MACROD2: variants seen among roughly 807,000 people sequenced by gnomAD.
The protein encoded by MACROD2 is mono-ADP ribosylhydrolase 2.
Under a neutral mutation model 70.4 loss-of-function variants are expected in MACROD2, and 36 were observed. That is an observed-to-expected ratio of 0.51 (90% confidence interval 0.39 to 0.68). The LOEUF (loss-of-function observed/expected upper bound fraction) is 0.68. MACROD2 is among the 30% of genes least tolerant of loss of function. MACROD2 has a pLI of 0.00. For missense variants in MACROD2, 496 were observed against 538.4 expected (o/e 0.92, Z 0.78); for synonymous variants, 172 against 178.8 (o/e 0.96, Z 0.30).
At chr20:15,585,009 A>ACATAATGAT (rs1248601243) in intron 8 of MACROD2, among the ~76,000 whole-genome samples, 6 of 152,118 alleles carry the variant, frequency 3.9e-5, no homozygotes, top group Non-Finnish European at 8.8e-5. Flanking sequence ...AATCAGATAC[A>ACATAATGAT]CATAATGATG....
chr20:14,789,460 A>ATTT (rs3045609), intron 5 of MACROD2, among the ~76,000 whole-genome samples: 1,094 of 48,162 alleles, frequency 0.023, 221 homozygotes, highest in African/African-American at 0.055. Context: ...GGTAGTGCAA[A>ATTT]TTTTTTTTTT....
At chr20:15,013,272 CTCT>C (rs1378810753) in intron 5 of MACROD2, among the ~76,000 whole-genome samples, 1 of 152,130 alleles carries the variant, frequency 6.6e-6, no homozygotes, top group African/African-American at 2.4e-5. Flanking sequence ...GAGGGAGATT[CTCT>C]TCTTTCTTTC....
At chr20:15,167,251 C>G (rs1170727326) in intron 5 of MACROD2, among the ~76,000 whole-genome samples, 1 of 152,028 alleles carries the variant, frequency 6.6e-6, no homozygotes, top group Admixed American at 6.6e-5. Context: ...CTGAATATAA[C>G]CAAAGTATTG....
At chr20:15,685,254 T>C (rs1203090898) in intron 8 of MACROD2, among the ~76,000 whole-genome samples, 1 of 152,126 alleles carries the variant, frequency 6.6e-6, no homozygotes, top group Admixed American at 6.6e-5. Context: ...CCACGAGCAT[T>C]TGAATTTTCT....
At position 15,133,673 on chromosome 20, in the gene MACROD2, A is replaced by G. The variant is rs1000551971; in HGVS notation, c.419-96267A>G. On this transcript the variant is annotated intron_variant, in intron 5 of 17. Coordinates refer to ENST00000684519, the MANE Select transcript of MACROD2 (RefSeq NM_001351661.2). ...TCACTGAGAGGAATTTACCCTCAGCAAATACTTGGAGAAGTTCACCAACAT... is the reference window on the plus strand; with the variant it reads ...TCACTGAGAGGAATTTACCCTCAGCGAATACTTGGAGAAGTTCACCAACAT... Among the ~76,000 whole-genome samples, 17 of 152,272 alleles carry G rather than the reference A, an allele frequency of 1.1e-4. 1 individual carries two copies. The highest frequency in any genetic ancestry group is 5.9e-4 in the Admixed American group (9 of 15,298).
At chr20:14,129,105 A>T (rs911398752) in intron 3 of MACROD2, among the ~76,000 whole-genome samples, 6 of 152,212 alleles carry the variant, frequency 3.9e-5, no homozygotes, top group Non-Finnish European at 8.8e-5. Context: ...TAATTGCCAT[A>T]GATAGTGTTT....
At chr20:14,439,836 G>A (rs1353688858) in intron 3 of MACROD2, among the ~76,000 whole-genome samples, 1 of 152,070 alleles carries the variant, frequency 6.6e-6, no homozygotes. Context: ...GTTTTGTTTT[G>A]TTTTATTTTT....
intron 4 of MACROD2, among the ~76,000 whole-genome samples, chr20:14,543,067 T>G (rs1309908054): frequency 3.9e-5 from 6 of 152,158 alleles, no homozygotes; most frequent in Non-Finnish European, 7.3e-5. Flanking sequence ...GTATTGTCCC[T>G]TTTGTACCTT....
intron 5 of MACROD2, among the ~76,000 whole-genome samples, chr20:15,134,176 A>C (rs148160892): frequency 0.079 from 11,265 of 142,838 alleles, 524 homozygotes; most frequent in East Asian, 0.27. Context: ...AAGTGCTGAG[A>C]TTACAGGCGT....
chr20:15,531,327 AAT>A (rs903650440), intron 8 of MACROD2, among the ~76,000 whole-genome samples: 5 of 151,598 alleles, frequency 3.3e-5, no homozygotes, highest in African/African-American at 1.2e-4. Context: ...ACAAAAATAA[AAT>A]ATAAACATGT....
chr20:15,635,111 G>T (rs1198243859), intron 8 of MACROD2, among the ~76,000 whole-genome samples: 1 of 152,160 alleles, frequency 6.6e-6, no homozygotes, highest in Non-Finnish European at 1.5e-5. Flanking sequence ...TGCTGTCTAG[G>T]AATTTTGCAG....
At chr20:15,620,462 C>T (rs1413740596) in intron 8 of MACROD2, among the ~76,000 whole-genome samples, 1 of 152,156 alleles carries the variant, frequency 6.6e-6, no homozygotes, top group African/African-American at 2.4e-5. Flanking sequence ...CCCCTTGCCT[C>T]CTGGTCTGCA....
intron 3 of MACROD2, among the ~76,000 whole-genome samples, chr20:14,166,077 T>C (rs73903724): frequency 0.014 from 2,163 of 152,328 alleles, 50 homozygotes; most frequent in African/African-American, 0.05. Flanking sequence ...ATAAATAATG[T>C]ATCAATAGTG....
At chr20:15,007,913 C>A (rs572551337) in intron 5 of MACROD2, among the ~76,000 whole-genome samples, 2 of 152,348 alleles carry the variant, frequency 1.3e-5, no homozygotes, top group Non-Finnish European at 2.9e-5. Context: ...GCCAGGGGAA[C>A]CCTGATTTGC....
At chr20:14,036,851 C>T (rs527541860) in intron 2 of MACROD2, among the ~76,000 whole-genome samples, 11 of 152,208 alleles carry the variant, frequency 7.2e-5, no homozygotes, top group Admixed American at 6.5e-5. Context: ...TTTGTAGAGA[C>T]GGGGTTTTGC....
chr20:15,279,782 A>G (rs2077426512), intron 6 of MACROD2, among the ~76,000 whole-genome samples: 1 of 152,216 alleles, frequency 6.6e-6, no homozygotes, highest in East Asian at 1.9e-4. Flanking sequence ...CATCTACCGT[A>G]TGCCAGACCC....
intron 5 of MACROD2, among the ~76,000 whole-genome samples, chr20:15,221,599 TAC>T (rs2076862005): frequency 6.6e-6 from 1 of 152,186 alleles, no homozygotes; most frequent in South Asian, 2.1e-4. Flanking sequence ...TGAAACAGGA[TAC>T]AGTCCCATCA....
chr20:15,080,491 A>G (rs187796991), intron 5 of MACROD2, among the ~76,000 whole-genome samples: 21 of 152,156 alleles, frequency 1.4e-4, no homozygotes, highest in Admixed American at 1.1e-3. Flanking sequence ...TTACTTTATT[A>G]GCTCCTTCCT....
In MACROD2 at chr20:13,995,792, T is replaced by C. The variant is rs769803489; in HGVS notation, c.29T>C (p.Val10Ala). The change falls in exon 1 of 18, where the codon GTG becomes GCG. Residue 10 changes from valine to alanine, a missense_variant. Physicochemically the swap from Val to Ala is moderately conservative, Grantham distance 64 (BLOSUM62 0). Transcript: ENST00000684519. The surrounding 1 kb of genome is among the most constrained non-coding windows in gnomAD (Gnocchi z 4.3). Reference protein sequence around the residue: MYPSNKKKKVWREEKERLLK... With the variant: MYPSNKKKKAWREEKERLLK... ...TACCCCAGCAACAAGAAGAAAAAGG[T>C]GTGGAGAGAGGAGAAAGGTAACCGG... The C allele has an allele frequency of 1.3e-6, 2 of 1,522,028 alleles. No homozygotes were observed. Among genetic ancestry groups the C allele is most frequent in the Non-Finnish European group, 1.8e-6 (2 of 1,125,620 alleles). The allele number at this position is 1,522,028 out of a possible 1,614,324, so 94.3% of individuals were successfully genotyped here.
Sources: gnomAD v4.1 joint callset for allele counts (sites outside exome capture counted in the v4.1 genomes callset) on GRCh38, gnomAD v4.1.1 for gene constraint, Gnocchi (gnomAD v3.1) non-coding constraint, MANE v1.5 for transcripts, NCBI Gene and HGNC (gene_info 2026-07-23, HGNC 2026-07-21) for gene names.